Variants in NALF1 observed in about 807,000 individuals in gnomAD.
The protein encoded by NALF1 is family with sequence similarity 155 member A.
Under a neutral mutation model 48.4 loss-of-function variants are expected in NALF1, and 3 were observed. The ratio of observed to expected loss-of-function variants is 0.06; its 90% CI spans 0.03 to 0.16. The LOEUF (loss-of-function observed/expected upper bound fraction) is 0.16, where lower values mean the gene tolerates loss of function less well. Ranked by LOEUF, NALF1 falls within the 10% of genes least tolerant of loss-of-function variation. NALF1 has a pLI of 1.00. For synonymous variants in NALF1, 262 were observed against 245.7 expected (o/e 1.07, Z -0.62); for missense variants, 526 against 571.5 (o/e 0.92, Z 0.81).
At chr13:107,691,982 T>C (rs1881578315) in intron 1 of NALF1, among the ~76,000 whole-genome samples, 1 of 152,196 alleles carries the variant, frequency 6.6e-6, no homozygotes, top group Admixed American at 6.5e-5. Flanking sequence ...CAGACATTAA[T>C]ATATTGTTCT....
intron 1 of NALF1, among the ~76,000 whole-genome samples, chr13:107,666,876 C>G (rs538849400): frequency 6.6e-6 from 1 of 152,172 alleles, no homozygotes; most frequent in African/African-American, 2.4e-5. Flanking sequence ...TCATGTGGTT[C>G]TTTTCAAACT....
At chr13:107,576,807 C>G (rs966647076) in intron 1 of NALF1, among the ~76,000 whole-genome samples, 1 of 152,048 alleles carries the variant, frequency 6.6e-6, no homozygotes, top group African/African-American at 2.4e-5. Flanking sequence ...TTTGGAAAAA[C>G]AAAAGTGTAG....
In NALF1 at chr13:107,425,871, T is replaced by A. The variant is rs1407200802; in HGVS notation, c.916-215116A>T. 2.6e-5 allele frequency among the ~76,000 whole-genome samples: 4 copies of A among 152,302 alleles called. No individual in the cohort carries two copies. The East Asian group carries it at 7.7e-4, about 29-fold the overall frequency. On this transcript the variant is annotated intron_variant, in intron 1 of 2. Transcript: ENST00000375915. ...ACTGTGATATTGGATATCTCTGTAC[T>A]ATGATATTGGATGTCTACATACTAT...
intron 1 of NALF1, among the ~76,000 whole-genome samples, chr13:107,326,561 G>T (rs974225277): frequency 2.0e-5 from 3 of 152,164 alleles, no homozygotes; most frequent in African/African-American, 7.2e-5. Context: ...ATAGCCAGTA[G>T]ATTAGTCCAG....
intron 1 of NALF1, among the ~76,000 whole-genome samples, chr13:107,627,128 T>A (rs1413760997): frequency 1.5e-5 from 2 of 132,248 alleles, no homozygotes; most frequent in Non-Finnish European, 3.4e-5. Flanking sequence ...TGTGGAAATA[T>A]TTCTAACCCA....
chr13:107,574,177 T>C (rs1878071151), intron 1 of NALF1, among the ~76,000 whole-genome samples: 1 of 152,212 alleles, frequency 6.6e-6, no homozygotes, highest in Non-Finnish European at 1.5e-5. Context: ...CAAATTTTTG[T>C]CCTGCTTCAG....
chr13:107,349,297 A>G (rs1304219722), intron 1 of NALF1, among the ~76,000 whole-genome samples: 2 of 152,112 alleles, frequency 1.3e-5, no homozygotes, highest in Admixed American at 6.5e-5. Context: ...TGCCCAACTC[A>G]TGGCTCCTGG....
At chr13:107,301,776 A>C (rs1314125910) in intron 1 of NALF1, among the ~76,000 whole-genome samples, 3 of 152,152 alleles carry the variant, frequency 2.0e-5, no homozygotes, top group Non-Finnish European at 1.5e-5. Flanking sequence ...CATATTTTGG[A>C]AAGTAAAAAT....
intron 1 of NALF1, among the ~76,000 whole-genome samples, chr13:107,333,309 G>C (rs781516244): frequency 6.6e-6 from 1 of 152,132 alleles, no homozygotes; most frequent in Admixed American, 6.5e-5. Context: ...TTGGGCTTAG[G>C]AATACCAGAC....
chr13:107,676,799 G>C (rs1244623758), intron 1 of NALF1, among the ~76,000 whole-genome samples: 1 of 151,968 alleles, frequency 6.6e-6, no homozygotes, highest in Non-Finnish European at 1.5e-5. Context: ...TAGTACTTAT[G>C]TTTATTTTTG....
intron 1 of NALF1, among the ~76,000 whole-genome samples, chr13:107,661,673 TCA>T (rs1880738409): frequency 1.3e-5 from 2 of 151,712 alleles, no homozygotes; most frequent in Admixed American, 1.3e-4. Flanking sequence ...ACCTCCCATC[TCA>T]CAGTTTGAGA....
chr13:107,308,295 G>A (rs1442934777), intron 1 of NALF1, among the ~76,000 whole-genome samples: 3 of 142,990 alleles, frequency 2.1e-5, no homozygotes, highest in East Asian at 2.2e-4. Flanking sequence ...TCCGTCTCCC[G>A]GGTTCACACC....
At chr13:107,758,012 T>G (rs917646912) in intron 1 of NALF1, among the ~76,000 whole-genome samples, 4 of 152,200 alleles carry the variant, frequency 2.6e-5, no homozygotes, top group African/African-American at 2.4e-5. Context: ...TCTCTTTATT[T>G]GGCTATTTCT....
intron 1 of NALF1, among the ~76,000 whole-genome samples, chr13:107,696,999 T>G (rs1214261159): frequency 1.3e-5 from 2 of 152,152 alleles, no homozygotes; most frequent in African/African-American, 4.8e-5. Context: ...TTTTTTATTT[T>G]ATTTTATTCA....
At chr13:107,463,649 A>G (rs1234127937) in intron 1 of NALF1, among the ~76,000 whole-genome samples, 1 of 152,234 alleles carries the variant, frequency 6.6e-6, no homozygotes, top group East Asian at 1.9e-4. Context: ...TAAGATACTT[A>G]TGATATATGA....
chr13:107,553,854 G>A (rs1448725776), intron 1 of NALF1, among the ~76,000 whole-genome samples: 1 of 152,104 alleles, frequency 6.6e-6, no homozygotes, highest in Non-Finnish European at 1.5e-5. Flanking sequence ...TGCCTCTCAG[G>A]GTTCATGTTA....
intron 1 of NALF1, among the ~76,000 whole-genome samples, chr13:107,666,960 T>C (rs1880874738): frequency 6.6e-6 from 1 of 152,148 alleles, no homozygotes; most frequent in African/African-American, 2.4e-5. Flanking sequence ...ATGAGTTTCT[T>C]TTAGTGAAAA....
rs150237004 is a variant in NALF1, at chr13:107,688,621, A to C, written c.915+177061T>G. Reference sequence around the variant, plus strand: ...TTCTAAAGCAGTTTTCCAATAAAATAAAACAAGACTTCTTTTTTTCTATAT... The same window carrying C: ...TTCTAAAGCAGTTTTCCAATAAAATCAAACAAGACTTCTTTTTTTCTATAT... On this transcript the variant is annotated intron_variant, in intron 1 of 2. Transcript: ENST00000375915. Among the ~76,000 whole-genome samples, 403 of 152,336 alleles carry C rather than the reference A, an allele frequency of 2.6e-3. 5 individuals carry two copies. The highest frequency in any genetic ancestry group is 9.3e-3 in the African/African-American group (386 of 41,574).
chr13:107,408,590 A>G (rs951937157), intron 1 of NALF1, among the ~76,000 whole-genome samples: 4 of 152,150 alleles, frequency 2.6e-5, no homozygotes, highest in African/African-American at 9.6e-5. Context: ...TATGGACACA[A>G]TGGGTAACAC....
Sources: allele counts gnomAD v4.1 joint callset (sites outside exome capture counted in the v4.1 genomes callset), GRCh38; gene constraint gnomAD v4.1.1; transcripts MANE v1.5; gene names NCBI Gene and HGNC (gene_info 2026-07-23, HGNC 2026-07-21).